Variants in KALRN observed in about 807,000 individuals in gnomAD.
KALRN encodes kalirin.
KALRN carries 70 observed loss-of-function variants against 353.7 expected under a neutral mutation model. The ratio of observed to expected loss-of-function variants is 0.20; its 90% CI spans 0.16 to 0.24. KALRN has a LOEUF of 0.24. KALRN is among the 10% of genes least tolerant of loss of function. The pLI, the probability that KALRN is intolerant of heterozygous loss-of-function variation, is 1.00. For synonymous variants in KALRN, 1,391 were observed against 1,434.8 expected (o/e 0.97, Z 0.69); for missense variants, 2,791 against 3,756.7 (o/e 0.74, Z 6.72).
chr3:124,148,152 G>T (rs1201649378), intron 1 of KALRN, among the ~76,000 whole-genome samples: 1 of 152,146 alleles, frequency 6.6e-6, no homozygotes, highest in Non-Finnish European at 1.5e-5. Context: ...CCCCTCTACT[G>T]GTTGTGTTTA....
At chr3:124,384,305 C>T (rs936154463) in intron 10 of KALRN, among the ~76,000 whole-genome samples, 1 of 152,196 alleles carries the variant, frequency 6.6e-6, no homozygotes, top group African/African-American at 2.4e-5. Context: ...TGGCTGTGGC[C>T]GCTGCCTTCT....
intron 1 of KALRN, among the ~76,000 whole-genome samples, chr3:124,053,633 G>C (rs1357455005): frequency 6.6e-6 from 1 of 152,148 alleles, no homozygotes; most frequent in East Asian, 1.9e-4. Context: ...AAAAAACCCA[G>C]AGTGACTGAC....
At chr3:124,665,008 A>T (rs867239838) in intron 45 of KALRN, among the ~76,000 whole-genome samples, 1 of 152,208 alleles carries the variant, frequency 6.6e-6, no homozygotes, top group Non-Finnish European at 1.5e-5. Context: ...TTTAGACCAC[A>T]GTAGAGATAA....
intron 13 of KALRN, among the ~76,000 whole-genome samples, chr3:124,409,535 G>A (rs535338412): frequency 1.6e-4 from 24 of 152,256 alleles, no homozygotes; most frequent in Admixed American, 5.2e-4. Flanking sequence ...GGACAAGGGC[G>A]TTTCAGGGCT....
At chr3:124,701,909 C>T in intron 56 of KALRN, 129 bp from the exon 57 acceptor site, 3 of 628,778 alleles carry the variant, frequency 4.8e-6, no homozygotes, top group South Asian at 2.1e-5. Flanking sequence ...TGGCATTTTC[C>T]CACTGAGTCA....
intron 34 of KALRN, among the ~76,000 whole-genome samples, chr3:124,612,990 TTGAG>T (rs2078174961): frequency 6.6e-6 from 1 of 151,856 alleles, no homozygotes; most frequent in Non-Finnish European, 1.5e-5. Context: ...AATAGTCTGA[TTGAG>T]TATTTTCTCT....
At chr3:124,098,659 T>C (rs1223633698) in intron 1 of KALRN, among the ~76,000 whole-genome samples, 1 of 152,192 alleles carries the variant, frequency 6.6e-6, no homozygotes, top group Non-Finnish European at 1.5e-5. Context: ...AGATCCTGTG[T>C]CTCCAATCCT....
At chr3:124,184,067 G>A (rs537253266) in intron 1 of KALRN, among the ~76,000 whole-genome samples, 2 of 152,288 alleles carry the variant, frequency 1.3e-5, no homozygotes, top group Admixed American at 6.5e-5. Context: ...TAAAAATGGG[G>A]TGGAGTTCTC....
At chr3:124,525,009 G>A (rs1209492536) in intron 33 of KALRN, among the ~76,000 whole-genome samples, 2 of 152,132 alleles carry the variant, frequency 1.3e-5, no homozygotes, top group Non-Finnish European at 2.9e-5. Flanking sequence ...ACAAGCCAGG[G>A]GTTCAGGGTA....
At chr3:124,487,398 G>A (rs922087780) in intron 28 of KALRN, among the ~76,000 whole-genome samples, 2 of 152,190 alleles carry the variant, frequency 1.3e-5, no homozygotes, top group Non-Finnish European at 2.9e-5. Flanking sequence ...AAGAAAGAGG[G>A]TATTGCCCCT....
At chr3:124,538,260 T>TTATG (rs1554022852) in intron 33 of KALRN, among the ~76,000 whole-genome samples, 5 of 149,966 alleles carry the variant, frequency 3.3e-5, no homozygotes, top group Non-Finnish European at 7.4e-5. Context: ...GTGTGTGTGT[T>TTATG]TGTGTGTGTG....
At chr3:124,400,837 G>T (rs1053075471) in intron 13 of KALRN, among the ~76,000 whole-genome samples, 5 of 152,142 alleles carry the variant, frequency 3.3e-5, no homozygotes, top group Non-Finnish European at 7.4e-5. Flanking sequence ...CAGGTGTGGT[G>T]GTTTTGCTGT....
chr3:124,658,314 G>A, intron 41 of KALRN, 117 bp from the exon 42 acceptor site: 2 of 772,984 alleles, frequency 2.6e-6, no homozygotes, highest in South Asian at 2.9e-5. Context: ...AGCTGCCTTG[G>A]TGCGTCCCCA....
intron 1 of KALRN, 100 bp from the exon 2 acceptor site, chr3:124,227,890 T>C: frequency 2.1e-6 from 2 of 950,682 alleles, no homozygotes; most frequent in Non-Finnish European, 3.5e-6. Flanking sequence ...AAGGCAGGAC[T>C]TGCCGGCTGA....
intron 33 of KALRN, among the ~76,000 whole-genome samples, chr3:124,498,452 G>A (rs2108595386): frequency 6.6e-6 from 1 of 152,328 alleles, no homozygotes; most frequent in African/African-American, 2.4e-5. Context: ...AGAGGCTCAG[G>A]AGATACTTGT....
intron 33 of KALRN, among the ~76,000 whole-genome samples, chr3:124,544,537 G>A (rs1262168775): frequency 6.6e-6 from 1 of 152,034 alleles, no homozygotes; most frequent in East Asian, 1.9e-4. Context: ...CTCCAGCCTG[G>A]GCGACAGAGC....
At position 124,713,078 on chromosome 3, in the gene KALRN, A is replaced by T; in HGVS notation, c.8219A>T (p.Tyr2740Phe). 6.2e-7 allele frequency: 1 copy of T among 1,614,174 alleles called. No homozygotes were observed. Among genetic ancestry groups the T allele is most frequent in the Non-Finnish European group, 8.5e-7 (1 of 1,180,002 alleles). ...CTTCAGCACCTACAGCACCCCCAGT[A>T]CATCACTCTCCATGACACCTATGAG... ...ALLQHLQHPQ[Y>F]ITLHDTYESP... Residue 2740 changes from tyrosine to phenylalanine, a missense_variant, in exon 58 of 60, where the codon TAC becomes TTC. Physicochemically the swap from Tyr to Phe is conservative, Grantham distance 22. Transcript: ENST00000682506.
intron 3 of KALRN, among the ~76,000 whole-genome samples, chr3:124,245,676 GTTGTTGTTTT>G (rs952968064): frequency 1.1e-4 from 16 of 149,590 alleles, no homozygotes; most frequent in African/African-American, 3.5e-4. Context: ...TTTTGTCATT[GTTGTTGTTTT>G]TTGTTTTTTT....
At chr3:124,615,379 A>G (rs1427449780) in intron 34 of KALRN, among the ~76,000 whole-genome samples, 1 of 152,232 alleles carries the variant, frequency 6.6e-6, no homozygotes, top group Non-Finnish European at 1.5e-5. Flanking sequence ...AATAACTGTC[A>G]ATATTTGAAA....
Sources: gnomAD v4.1 joint callset for allele counts (sites outside exome capture counted in the v4.1 genomes callset) on GRCh38, gnomAD v4.1.1 for gene constraint, MANE v1.5 for transcripts, NCBI Gene and HGNC (gene_info 2026-07-23, HGNC 2026-07-21) for gene names.